Variants in ZHX2 observed in about 807,000 individuals in gnomAD.
ZHX2 encodes zinc fingers and homeoboxes protein 2.
A neutral mutation model predicts 21.9 loss-of-function variants in ZHX2; 6 were observed. The ratio of observed to expected loss-of-function variants is 0.27; its 90% CI spans 0.15 to 0.54. The LOEUF is 0.54. ZHX2 is among the 20% of genes least tolerant of loss of function. The pLI is 0.95. For synonymous variants in ZHX2, 434 were observed against 437.1 expected, an observed-to-expected ratio of 0.99 and a Z score of 0.09; for missense variants, 908 against 1,090.7, an observed-to-expected ratio of 0.83 and a Z score of 2.36.
Position 122,951,366 on chromosome 8 carries a change from A to G in ZHX2, c.-145A>G. The G allele has an allele frequency of 1.4e-6, 1 of 701,316 alleles. No individual in the cohort carries two copies. The allele number at this position is 701,316 out of a possible 1,614,324, so 43.4% of individuals were successfully genotyped here. A position where few individuals can be genotyped will look rare whatever the true frequency, so the allele number is the denominator to read the frequency against. On this transcript the variant is annotated 5_prime_UTR_variant, in exon 3 of 4. Transcript: ENST00000314393. ...GTGCTGAAATCATTCTGAAAACTCAAACAGTAGACTTCAGCACACAAGGAA... is the reference window on the plus strand; with the variant it reads ...GTGCTGAAATCATTCTGAAAACTCAGACAGTAGACTTCAGCACACAAGGAA...
intron 2 of ZHX2, among the ~76,000 whole-genome samples, chr8:122,935,169 T>A (rs1320790805): frequency 6.6e-6 from 1 of 151,698 alleles, no homozygotes; most frequent in Non-Finnish European, 1.5e-5. Flanking sequence ...TTTTTTTTTA[T>A]CTATTTGAAG....
intron 2 of ZHX2, among the ~76,000 whole-genome samples, chr8:122,928,397 G>A (rs1219427277): frequency 4.6e-5 from 7 of 152,198 alleles, no homozygotes; most frequent in Non-Finnish European, 1.0e-4. Context: ...GACATTCAAA[G>A]ATCCTGTGGC....
chr8:122,867,053 G>A (rs985850138), intron 2 of ZHX2, among the ~76,000 whole-genome samples: 3 of 150,608 alleles, frequency 2.0e-5, no homozygotes, highest in South Asian at 4.2e-4. Flanking sequence ...GGCGGGTCTC[G>A]AACCCCTGGA....
At chr8:122,942,425 G>T (rs2130218116) in intron 2 of ZHX2, among the ~76,000 whole-genome samples, 1 of 152,280 alleles carries the variant, frequency 6.6e-6, no homozygotes, top group Admixed American at 6.5e-5. Context: ...TATTTCTCCT[G>T]ACAGCCCTAG....
At chr8:122,864,738 G>C (rs1223099165) in intron 2 of ZHX2, among the ~76,000 whole-genome samples, 1 of 152,168 alleles carries the variant, frequency 6.6e-6, no homozygotes, top group East Asian at 1.9e-4. Context: ...TTGGGCAGGG[G>C]CAGTATCACA....
At chr8:122,838,909 A>C (rs548055925) in intron 1 of ZHX2, among the ~76,000 whole-genome samples, 1 of 152,310 alleles carries the variant, frequency 6.6e-6, no homozygotes, top group East Asian at 1.9e-4. Context: ...ATGTTAAATG[A>C]AAAATGCAGG....
At chr8:122,877,898 T>C (rs1425418887) in intron 2 of ZHX2, among the ~76,000 whole-genome samples, 3 of 152,190 alleles carry the variant, frequency 2.0e-5, no homozygotes, top group East Asian at 3.8e-4. Flanking sequence ...TGGGAGCTTG[T>C]CTTAAACAAA....
intron 1 of ZHX2, among the ~76,000 whole-genome samples, chr8:122,846,859 C>T (rs1236297881): frequency 1.3e-5 from 2 of 152,090 alleles, no homozygotes; most frequent in African/African-American, 4.8e-5. Context: ...ATTTTAGCCT[C>T]ATGAAAATCT....
chr8:122,884,191 A>G lies in ZHX2; in HGVS notation c.-220+20652A>G, dbSNP rs900951361. On this transcript the variant is annotated intron_variant, in intron 2 of 3. Transcript: ENST00000314393. ...TTTAAAAGTACAGTCAAAATACAGTATCCTAATTGTAGGAGACCACCACAG... is the reference window on the plus strand; with the variant it reads ...TTTAAAAGTACAGTCAAAATACAGTGTCCTAATTGTAGGAGACCACCACAG... 5.9e-5 allele frequency among the ~76,000 whole-genome samples: 9 copies of G among 152,214 alleles called. No homozygotes were observed. The East Asian group carries it at 9.6e-4, about 16-fold the overall frequency.
At chr8:122,954,074 C>T in intron 3 of ZHX2, 46 bp downstream of exon 3, 1 of 1,495,636 alleles carries the variant, frequency 6.7e-7, no homozygotes, top group Non-Finnish European at 8.9e-7. Context: ...ACGCAGCTTG[C>T]TTTCTTTTCG....
At chr8:122,856,134 G>C (rs1819016763) in intron 1 of ZHX2, among the ~76,000 whole-genome samples, 1 of 152,196 alleles carries the variant, frequency 6.6e-6, no homozygotes, top group African/African-American at 2.4e-5. Context: ...AAAACTGAGG[G>C]TCAGAGAAGA....
chr8:122,798,640 G>C (rs948748843), intron 1 of ZHX2, among the ~76,000 whole-genome samples: 2 of 151,966 alleles, frequency 1.3e-5, no homozygotes, highest in Non-Finnish European at 2.9e-5. Context: ...AAAATTAGCT[G>C]GGCGTGGTAG....
chr8:122,938,203 G>C lies in ZHX2; in HGVS notation c.-219-13089G>C, dbSNP rs532927610. On this transcript the variant is annotated intron_variant, in intron 2 of 3. Coordinates refer to ENST00000314393, the MANE Select transcript of ZHX2 (RefSeq NM_014943.5). ...CCACCTCGGCCTCCCAAAGTGCCGG[G>C]ATTACAGGCATGAGCCACCATGCCC... 1.5e-4 allele frequency among the ~76,000 whole-genome samples: 22 copies of C among 151,336 alleles called. No homozygotes were observed. The East Asian group carries it at 3.5e-3, about 24-fold the overall frequency.
At chr8:122,792,054 A>G (rs1462362903) in intron 1 of ZHX2, among the ~76,000 whole-genome samples, 2 of 152,176 alleles carry the variant, frequency 1.3e-5, no homozygotes, top group Admixed American at 6.5e-5. Flanking sequence ...TGCAACCATT[A>G]CCACAATGTG....
chr8:122,945,122 T>G (rs1586411048), intron 2 of ZHX2, among the ~76,000 whole-genome samples: 2 of 152,222 alleles, frequency 1.3e-5, no homozygotes, highest in South Asian at 4.1e-4. Context: ...AAATTCCTGT[T>G]GTCTAAAGCC....
At position 122,850,817 on chromosome 8, in the gene ZHX2, T is replaced by C. The variant is rs543191627; in HGVS notation, c.-282-12660T>C. Reference sequence around the variant, plus strand: ...AAAAACATGGGTCAGATTTTGTTTCTCCTCTGCCCCAGGCCTCCACTCATT... The same window carrying C: ...AAAAACATGGGTCAGATTTTGTTTCCCCTCTGCCCCAGGCCTCCACTCATT... On this transcript the variant is annotated intron_variant, in intron 1 of 3. Coordinates refer to ENST00000314393, the MANE Select transcript of ZHX2 (RefSeq NM_014943.5). 1.4e-3 allele frequency among the ~76,000 whole-genome samples: 210 copies of C among 151,908 alleles called. 2 individuals carry two copies. Among genetic ancestry groups the C allele is most frequent in the African/African-American group, 4.7e-3 (194 of 41,394 alleles).
chr8:122,812,451 G>A (rs1054100985), intron 1 of ZHX2, among the ~76,000 whole-genome samples: 5 of 152,276 alleles, frequency 3.3e-5, no homozygotes, highest in African/African-American at 9.6e-5. Flanking sequence ...CATACCCAGA[G>A]TAGGGAAGCA....
At chr8:122,958,758 A>G (rs1232366536) in intron 3 of ZHX2, among the ~76,000 whole-genome samples, 1 of 152,238 alleles carries the variant, frequency 6.6e-6, no homozygotes, top group African/African-American at 2.4e-5. Context: ...CAGAACAAAC[A>G]GAGTGTGGTC....
At chr8:122,913,686 G>T (rs1171938608) in intron 2 of ZHX2, among the ~76,000 whole-genome samples, 1 of 152,144 alleles carries the variant, frequency 6.6e-6, no homozygotes, top group Non-Finnish European at 1.5e-5. Flanking sequence ...GGGATTCAGG[G>T]GCTCATTTAG....
Sources: allele counts gnomAD v4.1 joint callset (sites outside exome capture counted in the v4.1 genomes callset), GRCh38; gene constraint gnomAD v4.1.1; transcripts MANE v1.5; gene names NCBI Gene and HGNC (gene_info 2026-07-23, HGNC 2026-07-21).